The following TRPC7 variants were observed in gnomAD, a reference collection of about 807,000 sequenced individuals.
TRPC7 encodes transient receptor potential cation channel subfamily C member 7, also known as short transient receptor potential channel 7.
In TRPC7, 42 loss-of-function variants were observed where a neutral mutation model predicts 90.1. The ratio of observed to expected loss-of-function variants is 0.47; its 90% CI spans 0.36 to 0.60. TRPC7 has a LOEUF of 0.60. Ranked by LOEUF, TRPC7 falls within the 20% of genes least tolerant of loss-of-function variation. The probability of loss-of-function intolerance (pLI) is 0.00; values close to 1 mark genes in which losing one functional copy is unlikely to be tolerated. For synonymous variants in TRPC7, 451 were observed against 436.3 expected (o/e 1.03, Z -0.42); for missense variants, 955 against 1,112.3 (o/e 0.86, Z 2.01).
At chr5:136,311,836 C>T (rs1369560140) in intron 3 of TRPC7, among the ~76,000 whole-genome samples, 1 of 152,152 alleles carries the variant, frequency 6.6e-6, no homozygotes, top group Non-Finnish European at 1.5e-5. Context: ...CTGGGATGCA[C>T]TGAGGTGGGT....
At chr5:136,329,125 A>C (rs1472451222) in intron 2 of TRPC7, among the ~76,000 whole-genome samples, 1 of 152,210 alleles carries the variant, frequency 6.6e-6, no homozygotes, top group East Asian at 1.9e-4. Context: ...TAGCACATTG[A>C]CATGGCATTT....
intron 5 of TRPC7, among the ~76,000 whole-genome samples, chr5:136,265,877 C>T (rs1757008758): frequency 6.6e-6 from 1 of 152,140 alleles, no homozygotes; most frequent in Non-Finnish European, 1.5e-5. Context: ...AGAATCTGAA[C>T]TTGTTTTCTT....
rs1756530080 is a variant in TRPC7, at chr5:136,251,828, ACGT to A, written c.1397_1399del (p.Tyr466_Val467delinsLeu). 5 of 1,613,888 alleles carry A rather than the reference ACGT, an allele frequency of 3.1e-6. No individual in the cohort carries two copies. The highest frequency in any genetic ancestry group is 4.2e-6 in the Non-Finnish European group (5 of 1,179,890). On this transcript the variant is annotated inframe_deletion, in exon 6 of 12. Coordinates refer to ENST00000513104, the MANE Select transcript of TRPC7 (RefSeq NM_020389.3). ...ATCTAGCAGGTTCCACAAGTGCAGC[ACGT>A]ACTCCCGTGGCCCCTCCTCCCAGAT...
chr5:136,357,342 T>A lies in TRPC7; in HGVS notation c.46A>T (p.Thr16Ser). The change falls in exon 2 of 12, where the codon ACG becomes TCG. Residue 16 changes from threonine to serine, a missense_variant. Physicochemically the swap from Thr to Ser is moderately conservative, Grantham distance 58. Around this residue, in one of 4 missense-constraint regions of TRPC7, gnomAD observed 161 missense variants for 145.7 expected, o/e 1.10. Coordinates refer to ENST00000513104, the MANE Select transcript of TRPC7 (RefSeq NM_020389.3). The stretch of plus-strand genomic sequence containing the variant: ...TGGCGACGGCCCTTCTCCCTCAGCG[T>A]TGTGTGCCGGCGCTGCATGTTTTTG... Reference protein sequence around the residue: ...TFKNMQRRHTTLREKGRRQAI... With the variant: ...TFKNMQRRHTSLREKGRRQAI... 6.2e-7 allele frequency: 1 copy of A among 1,604,302 alleles called. No homozygotes were observed. Among genetic ancestry groups the A allele is most frequent in the Non-Finnish European group, 8.5e-7 (1 of 1,179,800 alleles).
intron 5 of TRPC7, among the ~76,000 whole-genome samples, chr5:136,260,088 C>G (rs969271762): frequency 2.6e-5 from 4 of 152,180 alleles, no homozygotes; most frequent in Non-Finnish European, 5.9e-5. Context: ...AGAGGAACAA[C>G]CTACATGCCC....
chr5:136,255,008 A>G (rs1248804380), intron 5 of TRPC7, among the ~76,000 whole-genome samples: 3 of 152,242 alleles, frequency 2.0e-5, no homozygotes, highest in African/African-American at 7.2e-5. Flanking sequence ...AGTAGGGCCT[A>G]AGATGTGACT....
chr5:136,220,761 G>C (rs1398152769), intron 10 of TRPC7, among the ~76,000 whole-genome samples: 2 of 152,078 alleles, frequency 1.3e-5, no homozygotes, highest in East Asian at 1.9e-4. Context: ...CCTACTTCCT[G>C]TTCTTGCACT....
chr5:136,288,611 C>T (rs1243566151), intron 3 of TRPC7, among the ~76,000 whole-genome samples: 1 of 152,218 alleles, frequency 6.6e-6, no homozygotes, highest in Non-Finnish European at 1.5e-5. Context: ...GAGGGAAAAG[C>T]AAAGTTAAAC....
At chr5:136,308,516 G>A (rs1200712450) in intron 3 of TRPC7, among the ~76,000 whole-genome samples, 1 of 152,212 alleles carries the variant, frequency 6.6e-6, no homozygotes, top group African/African-American at 2.4e-5. Context: ...GCATGTGAGT[G>A]TCTGACTGGC....
intron 2 of TRPC7, among the ~76,000 whole-genome samples, chr5:136,352,530 G>A (rs1050165179): frequency 6.6e-6 from 1 of 152,068 alleles, no homozygotes; most frequent in Admixed American, 6.5e-5. Context: ...ACATCACATT[G>A]TGTTCTTGGT....
intron 3 of TRPC7, among the ~76,000 whole-genome samples, chr5:136,286,362 C>T (rs761466247): frequency 7.9e-5 from 12 of 152,140 alleles, no homozygotes; most frequent in Admixed American, 3.9e-4. Flanking sequence ...GAGGATGCTG[C>T]GACACTTTCC....
In TRPC7 at chr5:136,231,494, T is replaced by C; in HGVS notation, c.1900A>G (p.Ile634Val). The C allele has an allele frequency of 6.2e-7, 1 of 1,612,106 alleles. No individual in the cohort carries two copies. Among genetic ancestry groups the C allele is most frequent in the East Asian group, 2.2e-5 (1 of 44,826 alleles). The change falls in exon 8 of 12, where the codon ATC becomes GTC. Residue 634 changes from isoleucine to valine, a missense_variant. By Grantham distance (29) the Ile-to-Val change is conservative. This residue lies in a region of TRPC7 where 296 missense variants were observed against 422.7 expected (regional missense o/e 0.70). Coordinates refer to ENST00000513104, the MANE Select transcript of TRPC7 (RefSeq NM_020389.3). ...TGGTCGTATTTCAGCACCACTGAGA[T>C]TACTTCAGATAAGCCGAATATGGAC... ...FWSIFGLSEV[I>V]SVVLKYDHKF...
intron 3 of TRPC7, among the ~76,000 whole-genome samples, chr5:136,304,594 C>A (rs1339186659): frequency 1.3e-5 from 2 of 152,156 alleles, no homozygotes; most frequent in Non-Finnish European, 2.9e-5. Context: ...TTGCACCCTT[C>A]ATCCCAGCCT....
intron 3 of TRPC7, among the ~76,000 whole-genome samples, chr5:136,287,725 A>AAAC (rs1561702553): frequency 7.6e-6 from 1 of 131,942 alleles, no homozygotes; most frequent in African/African-American, 3.0e-5. Flanking sequence ...AAAAAAAAAA[A>AAAC]AAAACCCAGA....
intron 2 of TRPC7, among the ~76,000 whole-genome samples, chr5:136,350,668 C>T (rs1388137099): frequency 6.6e-6 from 1 of 152,160 alleles, no homozygotes; most frequent in Non-Finnish European, 1.5e-5. Flanking sequence ...TAAGCCAGTC[C>T]CTGGGTCTTG....
At chr5:136,250,960 A>G (rs1393262913) in intron 6 of TRPC7, among the ~76,000 whole-genome samples, 3 of 152,214 alleles carry the variant, frequency 2.0e-5, no homozygotes, top group African/African-American at 7.2e-5. Context: ...CTGCTATAAA[A>G]ACCTGATTCT....
At chr5:136,296,032 T>G (rs891035018) in intron 3 of TRPC7, among the ~76,000 whole-genome samples, 1 of 152,094 alleles carries the variant, frequency 6.6e-6, no homozygotes, top group Non-Finnish European at 1.5e-5. Flanking sequence ...GTGTAGAAAG[T>G]TCTATATCAC....
At chr5:136,226,298 A>T in intron 8 of TRPC7, 43 bp from the exon 9 acceptor site, 1 of 1,454,110 alleles carries the variant, frequency 6.9e-7, no homozygotes, top group Non-Finnish European at 9.4e-7. Flanking sequence ...AAAGGCCACG[A>T]TTTAACAACG....
rs555532743 is a variant in TRPC7, at chr5:136,311,681, C to T, written c.963+3916G>A. Among the ~76,000 whole-genome samples the T allele has an allele frequency of 2.6e-5, 4 of 152,302 alleles. No homozygotes were observed. In the South Asian group the frequency reaches 6.2e-4, roughly 24 times the overall value. On this transcript the variant is annotated intron_variant, in intron 3 of 11. Transcript: ENST00000513104. The stretch of plus-strand genomic sequence containing the variant: ...CAGTTTATGTAGAGAGGCTGCAAGC[C>T]GATGCTGGAGGGGTGGTTTTCTTTA...
Sources: allele counts gnomAD v4.1 joint callset (sites outside exome capture counted in the v4.1 genomes callset), GRCh38; gene constraint gnomAD v4.1.1; regional missense constraint gnomAD v4.1.1; transcripts MANE v1.5; gene names NCBI Gene and HGNC (gene_info 2026-07-23, HGNC 2026-07-21).